SMIM14: variants seen among roughly 807,000 people sequenced by gnomAD.
SMIM14 encodes chromosome 4 open reading frame 34.
A neutral mutation model predicts 12.6 loss-of-function variants in SMIM14; 5 were observed. That is an observed-to-expected ratio of 0.40 (90% CI 0.21 to 0.83). SMIM14 has a LOEUF of 0.83. SMIM14 is among the 40% of genes least tolerant of loss of function. The probability of loss-of-function intolerance (pLI) is 0.37; values close to 1 mark genes in which losing one functional copy is unlikely to be tolerated. For synonymous variants in SMIM14, 30 were observed against 40.1 expected (o/e 0.75, Z 0.95); for missense variants, 86 against 119.1 (o/e 0.72, Z 1.29).
rs1712118208 is a variant in SMIM14 at position 39,558,319 on chromosome 4, C to A, written c.125-1749G>T. Among the ~76,000 whole-genome samples, 1 of 152,194 alleles carries A rather than the reference C, an allele frequency of 6.6e-6. No homozygotes were observed. The highest frequency in any genetic ancestry group is 1.5e-5 in the Non-Finnish European group (1 of 68,034). ...CCTGGGCGATATGGTGAAACCCCAT[C>A]TCTGAGGGAGAAGAAAAGGAAAAAT... On this transcript the variant is annotated intron_variant, in intron 3 of 4. Coordinates refer to ENST00000295958, the MANE Select transcript of SMIM14 (RefSeq NM_174921.3). The surrounding 1 kb of genome is among the most constrained non-coding windows in gnomAD (Gnocchi z 4.3).
At chr4:39,624,602 TCA>T (rs1357445888) in intron 1 of SMIM14, among the ~76,000 whole-genome samples, 2 of 151,960 alleles carry the variant, frequency 1.3e-5, no homozygotes, top group African/African-American at 4.8e-5. Context: ...GGCAGGCGGA[TCA>T]CCTGAGGTCA....
intron 1 of SMIM14, among the ~76,000 whole-genome samples, chr4:39,619,775 A>G (rs1414114900): frequency 2.2e-5 from 3 of 138,368 alleles, no homozygotes; most frequent in African/African-American, 5.3e-5. Context: ...TCAATAAATA[A>G]TTTATTATAT....
chr4:39,586,532 T>A (rs1713792105), intron 2 of SMIM14, among the ~76,000 whole-genome samples: 1 of 152,212 alleles, frequency 6.6e-6, no homozygotes, highest in Non-Finnish European at 1.5e-5. Flanking sequence ...CATGATTATT[T>A]ATGTATTCTG....
chr4:39,595,701 T>C (rs1714329006), intron 2 of SMIM14, among the ~76,000 whole-genome samples: 1 of 151,116 alleles, frequency 6.6e-6, no homozygotes, highest in African/African-American at 2.4e-5. Context: ...CTCTGCCTCC[T>C]GGGCTCAAGC....
At chr4:39,562,157 G>T in intron 3 of SMIM14, among the ~76,000 whole-genome samples, 1 of 151,710 alleles carries the variant, frequency 6.6e-6, no homozygotes, top group Non-Finnish European at 1.5e-5. Flanking sequence ...GAGGATCCCT[G>T]GAGCCCAGGC....
At chr4:39,633,205 A>G (rs563603095) in intron 1 of SMIM14, among the ~76,000 whole-genome samples, 2 of 151,614 alleles carry the variant, frequency 1.3e-5, no homozygotes, top group East Asian at 3.9e-4. Context: ...GAGGCAGGAG[A>G]ATTGCTTGAA....
At chr4:39,552,803 T>G (rs779177760) in intron 4 of SMIM14, among the ~76,000 whole-genome samples, 6 of 152,326 alleles carry the variant, frequency 3.9e-5, no homozygotes, top group African/African-American at 9.6e-5. Flanking sequence ...GAATTGACTT[T>G]TGTTAACTTG....
At chr4:39,624,415 G>A (rs1334165215) in intron 1 of SMIM14, among the ~76,000 whole-genome samples, 1 of 152,142 alleles carries the variant, frequency 6.6e-6, no homozygotes. Flanking sequence ...GTAAAATCCT[G>A]AGCAGGACTC....
At chr4:39,584,793 CA>C (rs34970724) in intron 2 of SMIM14, among the ~76,000 whole-genome samples, 5,187 of 76,172 alleles carry the variant, frequency 0.068, 131 homozygotes, top group African/African-American at 0.25. Flanking sequence ...AGGACCTTGT[CA>C]AAAAAAAAAA....
intron 3 of SMIM14, among the ~76,000 whole-genome samples, chr4:39,565,166 C>G (rs1712510213): frequency 6.6e-6 from 1 of 152,094 alleles, no homozygotes; most frequent in Non-Finnish European, 1.5e-5. Context: ...TGCAGCAAGC[C>G]ATGATTGCAC....
At chr4:39,590,553 G>C (rs1714017133) in intron 2 of SMIM14, among the ~76,000 whole-genome samples, 1 of 152,076 alleles carries the variant, frequency 6.6e-6, no homozygotes, top group South Asian at 2.1e-4. Context: ...TGTAATCTCA[G>C]CACTTCGGGA....
intron 2 of SMIM14, among the ~76,000 whole-genome samples, chr4:39,583,445 T>C (rs1388651930): frequency 6.6e-6 from 1 of 151,996 alleles, no homozygotes; most frequent in Non-Finnish European, 1.5e-5. Flanking sequence ...CTTCAGGTCA[T>C]TCATTCCAAA....
intron 2 of SMIM14, among the ~76,000 whole-genome samples, chr4:39,597,569 G>A (rs957717111): frequency 2.1e-4 from 31 of 150,586 alleles, no homozygotes; most frequent in African/African-American, 5.8e-4. Context: ...TCAGCCTCCC[G>A]AGTAGCTGGG....
chr4:39,609,958 C>T (rs933834004), intron 1 of SMIM14, among the ~76,000 whole-genome samples: 15 of 152,156 alleles, frequency 9.9e-5, no homozygotes, highest in African/African-American at 3.4e-4. Flanking sequence ...TATTCTCATT[C>T]CTTATGCCAA....
chr4:39,636,397 T>G (rs1716092694), intron 1 of SMIM14, among the ~76,000 whole-genome samples: 1 of 152,130 alleles, frequency 6.6e-6, no homozygotes, highest in African/African-American at 2.4e-5. Context: ...ACAAGTGAGG[T>G]CTTACTTTGC....
At chr4:39,638,488 A>G (rs1197351511) in intron 1 of SMIM14, 2 of 985,340 alleles carry the variant, frequency 2.0e-6, no homozygotes, top group African/African-American at 1.7e-5. Flanking sequence ...CCTTGCCTGC[A>G]AAGCCCCGAC....
At chr4:39,633,501 T>G (rs1253583181) in intron 1 of SMIM14, among the ~76,000 whole-genome samples, 1 of 152,170 alleles carries the variant, frequency 6.6e-6, no homozygotes, top group African/African-American at 2.4e-5. Flanking sequence ...TTGGATGCAG[T>G]GGTTCATGCC....
intron 2 of SMIM14, among the ~76,000 whole-genome samples, chr4:39,581,676 C>T (rs2110023060): frequency 6.7e-6 from 1 of 150,310 alleles, no homozygotes; most frequent in South Asian, 2.1e-4. Flanking sequence ...TCCTGAGCAG[C>T]TGGGACCACA....
chr4:39,603,513 C>T (rs539623685), intron 2 of SMIM14, among the ~76,000 whole-genome samples: 23 of 152,038 alleles, frequency 1.5e-4, no homozygotes, highest in African/African-American at 4.8e-4. Flanking sequence ...GAGCCAAGAT[C>T]GCGCCACTGC....
Sources: gnomAD v4.1 joint callset for allele counts (sites outside exome capture counted in the v4.1 genomes callset) on GRCh38, gnomAD v4.1.1 for gene constraint, Gnocchi (gnomAD v3.1) non-coding constraint, MANE v1.5 for transcripts, NCBI Gene and HGNC (gene_info 2026-07-23, HGNC 2026-07-21) for gene names.